NSUN7: variants seen among roughly 807,000 people sequenced by gnomAD.
The protein encoded by NSUN7 is protein NSUN7.
In NSUN7, 39 loss-of-function variants were observed where a neutral mutation model predicts 58.5. That is an observed-to-expected ratio of 0.67 (90% confidence interval 0.52 to 0.87). The LOEUF is 0.87. Ranked by LOEUF, NSUN7 falls within the 40% of genes least tolerant of loss-of-function variation. NSUN7 has a pLI of 0.00. For missense variants in NSUN7, 765 were observed against 844.1 expected, an observed-to-expected ratio of 0.91 and a Z score of 1.16; for synonymous variants, 278 against 303.7, an observed-to-expected ratio of 0.92 and a Z score of 0.88.
chr4:40,798,903 AG>A lies in NSUN7; in HGVS notation c.1400+1del, dbSNP rs778611870. ...QDLGNKGQPY[R>X]LSPPVLPLCS... The stretch of plus-strand genomic sequence containing the variant: ...CCTTGGGAATAAAGGACAACCTTAC[AG>A]GTAAGAAAAGGAAGGATTCTTCTAA... On this transcript the variant is annotated frameshift_variant and splice_region_variant, in exon 10 of 12. Coordinates refer to ENST00000381782, the MANE Select transcript of NSUN7 (RefSeq NM_024677.6). LOFTEE classifies it high-confidence loss of function. 1 of 1,468,494 alleles carries A rather than the reference AG, an allele frequency of 6.8e-7. No homozygotes were observed. The highest frequency in any genetic ancestry group is 9.5e-7 in the Non-Finnish European group (1 of 1,055,222). The allele number at this position is 1,468,494 out of a possible 1,614,324, so 91.0% of individuals were successfully genotyped here.
At chr4:40,767,951 A>G (rs1248656225) in intron 4 of NSUN7, among the ~76,000 whole-genome samples, 1 of 152,216 alleles carries the variant, frequency 6.6e-6, no homozygotes, top group Non-Finnish European at 1.5e-5. Context: ...CTAACTTATT[A>G]TCTTACCTCC....
In NSUN7 at chr4:40,776,324, TTTTAA is replaced by T. The variant is rs544742106; in HGVS notation, c.1036+70_1036+74del. 861 of 1,127,522 alleles carry T rather than the reference TTTTAA, an allele frequency of 7.6e-4. 8 individuals carry two copies. The African/African-American group carries it at 0.012, about 15-fold the overall frequency. The allele number at this position is 1,127,522 out of a possible 1,614,324, so 69.8% of individuals were successfully genotyped here. A position where few individuals can be genotyped will look rare whatever the true frequency, so the allele number is the denominator to read the frequency against. Reference sequence around the variant, plus strand: ...GCAAGATTTTAGAAACGTTAAAAAGTTTTAATTTATTAGTTTTTTTGTAATGTAAA... The same window carrying T: ...GCAAGATTTTAGAAACGTTAAAAAGTTTTATTAGTTTTTTTGTAATGTAAA... On this transcript the variant is annotated intron_variant, in intron 7 of 11. Transcript: ENST00000381782.
chr4:40,775,064 G>C lies in NSUN7; in HGVS notation c.825+114G>C, dbSNP rs942275909. 7.8e-6 allele frequency: 4 copies of C among 510,510 alleles called. No homozygotes were observed. Among genetic ancestry groups the C allele is most frequent in the Non-Finnish European group, 1.4e-5 (4 of 290,176 alleles). 31.6% of individuals were successfully genotyped at this position (510,510 alleles called of 1,614,324 possible). ...TATATTTTTATAGATTATCAGGGAG[G>C]TTTATAAGGCCTAATTGTCACCTTG... On this transcript the variant is annotated intron_variant, in intron 6 of 11. Coordinates refer to ENST00000381782, the MANE Select transcript of NSUN7 (RefSeq NM_024677.6). The surrounding 1 kb of genome is among the most constrained non-coding windows in gnomAD (Gnocchi z 4.3).
In NSUN7 at chr4:40,804,874, C is replaced by T. The variant is rs1743749826; in HGVS notation, c.1401-2187C>T. Among the ~76,000 whole-genome samples, 3 of 152,132 alleles carry T rather than the reference C, an allele frequency of 2.0e-5. No individual in the cohort carries two copies. The South Asian group carries it at 6.2e-4, about 32-fold the overall frequency. ...GTCAATGAGCCCAGTTGTGTCACTG[C>T]ATCCCCTACTGTCAGCCCTGGCCTG... On this transcript the variant is annotated intron_variant, in intron 10 of 11. Coordinates refer to ENST00000381782, the MANE Select transcript of NSUN7 (RefSeq NM_024677.6).
chr4:40,751,552 C>T (rs1740835024), intron 2 of NSUN7, among the ~76,000 whole-genome samples: 1 of 152,118 alleles, frequency 6.6e-6, no homozygotes, highest in African/African-American at 2.4e-5. Context: ...AGAAAAGGTG[C>T]AAAATTTAAA....
intron 7 of NSUN7, among the ~76,000 whole-genome samples, chr4:40,778,885 T>C (rs2154287891): frequency 6.6e-6 from 1 of 152,270 alleles, no homozygotes; most frequent in Middle Eastern, 3.4e-3. Flanking sequence ...TTCATAATGC[T>C]GAAAGAAACT....
intron 4 of NSUN7, among the ~76,000 whole-genome samples, chr4:40,769,529 G>A (rs896315565): frequency 1.3e-5 from 2 of 152,192 alleles, no homozygotes; most frequent in Non-Finnish European, 2.9e-5. Context: ...GTCTTGCTGA[G>A]TTAAGAAAAC....
chr4:40,753,488 G>T lies in NSUN7; in HGVS notation c.298+2497G>T, dbSNP rs574358341. On this transcript the variant is annotated intron_variant, in intron 2 of 11. Transcript: ENST00000381782. The stretch of plus-strand genomic sequence containing the variant: ...GGGCTTCACCATCTTGCCCAGGCTG[G>T]TCTTGAACTCCTGACCTCGTGATCC... Among the ~76,000 whole-genome samples the T allele has an allele frequency of 8.5e-4, 129 of 152,138 alleles. 1 individual carries two copies. Among genetic ancestry groups the T allele is most frequent in the African/African-American group, 2.9e-3 (122 of 41,514 alleles).
Position 40,775,059 on chromosome 4 carries a change from G to A in NSUN7, c.825+109G>A. 2 of 530,584 alleles carry A rather than the reference G, an allele frequency of 3.8e-6. No individual in the cohort carries two copies. Among genetic ancestry groups the A allele is most frequent in the South Asian group, 3.3e-5 (1 of 30,218 alleles). The allele number at this position is 530,584 out of a possible 1,614,324, so 32.9% of individuals were successfully genotyped here. A position where few individuals can be genotyped will look rare whatever the true frequency, so the allele number is the denominator to read the frequency against. ...CTGTTTATATTTTTATAGATTATCA[G>A]GGAGGTTTATAAGGCCTAATTGTCA... is the stretch of plus-strand genomic sequence containing the variant. On this transcript the variant is annotated intron_variant, in intron 6 of 11. Transcript: ENST00000381782. This position sits in a 1 kb window ranked among gnomAD's most constrained non-coding sequence, Gnocchi z 4.3.
chr4:40,793,501 T>C (rs1743187942), intron 8 of NSUN7, among the ~76,000 whole-genome samples: 1 of 152,144 alleles, frequency 6.6e-6, no homozygotes, highest in Non-Finnish European at 1.5e-5. Flanking sequence ...TCATGAAATG[T>C]AAAACTAAAT....
At chr4:40,764,398 AG>A (rs1741611537) in intron 4 of NSUN7, among the ~76,000 whole-genome samples, 1 of 151,982 alleles carries the variant, frequency 6.6e-6, no homozygotes, top group Non-Finnish European at 1.5e-5. Flanking sequence ...GTCCCTACAA[AG>A]AACATGAACT....
chr4:40,792,856 G>A (rs1743156758), intron 8 of NSUN7, among the ~76,000 whole-genome samples: 1 of 152,198 alleles, frequency 6.6e-6, no homozygotes, highest in Non-Finnish European at 1.5e-5. Context: ...CCGACCTAGT[G>A]ACTCTGGTGG....
intron 4 of NSUN7, among the ~76,000 whole-genome samples, chr4:40,772,203 G>A (rs112118089): frequency 1.7e-4 from 26 of 152,198 alleles, no homozygotes; most frequent in African/African-American, 7.2e-5. Flanking sequence ...CACAGCACAT[G>A]TATATTTCTC....
chr4:40,799,093 T>G (rs1420642828), intron 10 of NSUN7, among the ~76,000 whole-genome samples, 189 bp downstream of exon 10: 1 of 143,140 alleles, frequency 7.0e-6, no homozygotes, highest in Non-Finnish European at 1.5e-5. Context: ...TTTTTTTTTT[T>G]TTTTTTTTTA....
chr4:40,783,033 A>G (rs985582418), intron 7 of NSUN7, among the ~76,000 whole-genome samples: 4 of 152,210 alleles, frequency 2.6e-5, no homozygotes, highest in African/African-American at 4.8e-5. Context: ...TAAAATTCAC[A>G]TGGAAATTTA....
chr4:40,808,850 C>A lies in NSUN7; in HGVS notation c.2068C>A (p.Leu690Ile), dbSNP rs776054133. 16 of 1,549,348 alleles carry A rather than the reference C, an allele frequency of 1.0e-5. No homozygotes were observed. In the South Asian group the frequency reaches 1.4e-4, roughly 14 times the overall value. Residue 690 changes from leucine to isoleucine, a missense_variant, in exon 12 of 12, where the codon CTT (leucine) becomes ATT (isoleucine). Transcript: ENST00000381782. ...ACCCAAGGCACTTGTGCCCACCTGC[C>A]TTCCCACACACTCACTATCCAGAAA... ...VAPKALVPTC[L>I]PTHSLSRKEE...
chr4:40,808,375 T>C lies in NSUN7; in HGVS notation c.1593T>C (p.Asp531=). 1 of 1,614,078 alleles carries C rather than the reference T, an allele frequency of 6.2e-7. No homozygotes were observed. Among genetic ancestry groups the C allele is most frequent in the Middle Eastern group, 1.6e-4 (1 of 6,062 alleles). ...GAGCTGCAGCCAAGGGTCTGCTGGA[T>C]GGGATTGAGTTGGGTAAATCATCAA... ...LARAAAKGLL[D]GIELGKSSKR... is the part of the protein sequence containing the mutation. The change falls in exon 12 of 12, where the codon GAT becomes GAC. Residue 531 remains aspartate (D), a synonymous_variant. Coordinates refer to ENST00000381782, the MANE Select transcript of NSUN7 (RefSeq NM_024677.6).
At chr4:40,754,591 T>G (rs545118445) in intron 2 of NSUN7, among the ~76,000 whole-genome samples, 2 of 152,364 alleles carry the variant, frequency 1.3e-5, no homozygotes, top group South Asian at 4.1e-4. Flanking sequence ...CAAGGAATAA[T>G]GATTCAGAAA....
At chr4:40,768,708 A>AT (rs947775687) in intron 4 of NSUN7, among the ~76,000 whole-genome samples, 38 of 151,976 alleles carry the variant, frequency 2.5e-4, no homozygotes, top group African/African-American at 8.4e-4. Flanking sequence ...ACCTATTATC[A>AT]TTTTTTTTAC....
Sources: gnomAD v4.1 joint callset for allele counts (sites outside exome capture counted in the v4.1 genomes callset) on GRCh38, gnomAD v4.1.1 for gene constraint, Gnocchi (gnomAD v3.1) non-coding constraint, MANE v1.5 for transcripts, NCBI Gene and HGNC (gene_info 2026-07-23, HGNC 2026-07-21) for gene names.